THSD7B: variants seen among roughly 807,000 people sequenced by gnomAD.
The protein encoded by THSD7B is thrombospondin type 1 domain containing 7B, also known as thrombospondin type-1 domain-containing protein 7B.
A neutral mutation model predicts 213.6 loss-of-function variants in THSD7B; 138 were observed. That is an observed-to-expected ratio of 0.65 (90% CI 0.56 to 0.74). The LOEUF (loss-of-function observed/expected upper bound fraction) is 0.74. Among genes scored for constraint, THSD7B ranks in the 30% least tolerant of loss-of-function variants. The pLI is 0.00. For missense variants in THSD7B, 1,931 were observed against 1,991.5 expected (o/e 0.97, Z 0.58); for synonymous variants, 742 against 687.0 (o/e 1.08, Z -1.25).
intron 12 of THSD7B, among the ~76,000 whole-genome samples, chr2:137,386,878 C>T (rs1005989007): frequency 3.3e-5 from 5 of 152,148 alleles, no homozygotes; most frequent in African/African-American, 1.2e-4. Context: ...CCGTTAACAG[C>T]AATTCTTTTT....
intron 23 of THSD7B, 30 bp downstream of exon 23, chr2:137,656,999 C>T (rs760315527): frequency 1.2e-6 from 2 of 1,613,330 alleles, no homozygotes; most frequent in East Asian, 2.2e-5. Flanking sequence ...GTTCTTTAGC[C>T]TTCATTGATC....
At chr2:137,108,993 A>C (rs1053187716) in intron 4 of THSD7B, among the ~76,000 whole-genome samples, 2 of 152,220 alleles carry the variant, frequency 1.3e-5, no homozygotes, top group African/African-American at 4.8e-5. Context: ...TCAAAAACAA[A>C]TTTGGAATCA....
At chr2:137,064,716 C>T (rs2104884937) in intron 3 of THSD7B, among the ~76,000 whole-genome samples, 1 of 152,008 alleles carries the variant, frequency 6.6e-6, no homozygotes, top group Non-Finnish European at 1.5e-5. Flanking sequence ...TTTCATTCTT[C>T]TGCATAGGGA....
chr2:136,956,144 T>C (rs1685120229), intron 2 of THSD7B, among the ~76,000 whole-genome samples: 1 of 152,166 alleles, frequency 6.6e-6, no homozygotes, highest in Non-Finnish European at 1.5e-5. Flanking sequence ...TAAGATTAAA[T>C]TTACCCTGAA....
intron 20 of THSD7B, among the ~76,000 whole-genome samples, chr2:137,641,522 A>G (rs1682936813): frequency 6.6e-6 from 1 of 152,266 alleles, no homozygotes; most frequent in African/African-American, 2.4e-5. Flanking sequence ...ATATTCACAA[A>G]TAACTAATAG....
chr2:137,290,952 C>G (rs1683322267), intron 12 of THSD7B, among the ~76,000 whole-genome samples: 1 of 152,118 alleles, frequency 6.6e-6, no homozygotes, highest in Non-Finnish European at 1.5e-5. Flanking sequence ...ATCCATCACA[C>G]TTATGAAGCC....
At chr2:136,982,421 C>G (rs985794331) in intron 2 of THSD7B, among the ~76,000 whole-genome samples, 1 of 152,036 alleles carries the variant, frequency 6.6e-6, no homozygotes, top group African/African-American at 2.4e-5. Context: ...ATCTCGGCCT[C>G]CCGAAGTGCT....
In THSD7B at chr2:137,544,677, ACT is replaced by A. The variant is rs199790919; in HGVS notation, c.3139-18539_3139-18538del. 1.3e-4 allele frequency among the ~76,000 whole-genome samples: 20 copies of A among 151,792 alleles called. No homozygotes were observed. The East Asian group carries it at 3.9e-3, about 30-fold the overall frequency. On this transcript the variant is annotated intron_variant, in intron 15 of 27. Coordinates refer to ENST00000409968, the MANE Select transcript of THSD7B (RefSeq NM_001316349.2). The stretch of plus-strand genomic sequence containing the variant: ...GAAGAGTGATTTTTATAATATTCAT[ACT>A]CTCTTTTATTTTTATTTTTCATCAA...
intron 2 of THSD7B, among the ~76,000 whole-genome samples, chr2:136,945,390 G>T (rs1224723917): frequency 6.6e-6 from 1 of 152,064 alleles, no homozygotes; most frequent in African/African-American, 2.4e-5. Flanking sequence ...TTTCTCTCTG[G>T]CTGCCCTTAA....
intron 2 of THSD7B, among the ~76,000 whole-genome samples, chr2:137,055,256 CT>C (rs775147668): frequency 6.6e-6 from 1 of 152,022 alleles, no homozygotes; most frequent in Non-Finnish European, 1.5e-5. Flanking sequence ...GTGCATGTGT[CT>C]TTATAGTAGA....
intron 15 of THSD7B, among the ~76,000 whole-genome samples, chr2:137,471,806 G>T (rs1051586228): frequency 2.0e-5 from 3 of 152,106 alleles, no homozygotes; most frequent in African/African-American, 7.2e-5. Context: ...GAAAGGTGTC[G>T]CTGGACGAGG....
chr2:137,138,859 G>A (rs1432203), intron 5 of THSD7B, among the ~76,000 whole-genome samples: 78,193 of 151,682 alleles, frequency 0.52, 21,424 homozygotes, highest in Non-Finnish European at 0.59. Flanking sequence ...TTGTATGTAC[G>A]TTCTTCTTGA....
intron 12 of THSD7B, among the ~76,000 whole-genome samples, chr2:137,369,132 A>T (rs1033911378): frequency 1.3e-4 from 1 of 7,806 alleles, no homozygotes; most frequent in Admixed American, 8.4e-4. Flanking sequence ...TGTTGTTTGG[A>T]GGGGGGGCGG....
At chr2:137,314,783 G>A (rs1684039643) in intron 12 of THSD7B, among the ~76,000 whole-genome samples, 2 of 152,200 alleles carry the variant, frequency 1.3e-5, no homozygotes, top group South Asian at 4.1e-4. Context: ...GTGTCAGTCT[G>A]CCCCTGCTGG....
intron 2 of THSD7B, among the ~76,000 whole-genome samples, chr2:137,017,035 C>T (rs1185076744): frequency 3.3e-5 from 5 of 152,098 alleles, no homozygotes; most frequent in Non-Finnish European, 5.9e-5. Context: ...GAAGAATAAA[C>T]AATATAATAT....
chr2:137,458,676 T>A (rs904416234), intron 15 of THSD7B, among the ~76,000 whole-genome samples: 4 of 152,196 alleles, frequency 2.6e-5, no homozygotes, highest in African/African-American at 9.6e-5. Flanking sequence ...TAATCATCAG[T>A]CATTTTCAAT....
chr2:137,658,079 C>T (rs188665312), intron 24 of THSD7B, among the ~76,000 whole-genome samples: 90 of 152,294 alleles, frequency 5.9e-4, no homozygotes, highest in African/African-American at 1.9e-3. Context: ...TTAGTACTAT[C>T]GTTTACAGAG....
chr2:137,187,482 T>TGTTTGTAATCATG (rs1680572435), intron 7 of THSD7B, among the ~76,000 whole-genome samples: 2 of 152,236 alleles, frequency 1.3e-5, no homozygotes, highest in Non-Finnish European at 2.9e-5. Context: ...CCTGAAGAAC[T>TGTTTGTAATCATG]GTCCTGAAAC....
At chr2:137,365,126 A>G (rs1685375963) in intron 12 of THSD7B, among the ~76,000 whole-genome samples, 1 of 152,246 alleles carries the variant, frequency 6.6e-6, no homozygotes, top group African/African-American at 2.4e-5. Context: ...ACATGACAAA[A>G]ACAAGAAATG....
Sources: allele counts gnomAD v4.1 joint callset (sites outside exome capture counted in the v4.1 genomes callset), GRCh38; gene constraint gnomAD v4.1.1; transcripts MANE v1.5; gene names NCBI Gene and HGNC (gene_info 2026-07-23, HGNC 2026-07-21).